The following NRG1 variants were observed in gnomAD, a reference collection of about 807,000 sequenced individuals.
NRG1 encodes neuregulin 1, also known as pro-neuregulin-1, membrane-bound isoform.
Under a neutral mutation model 63.8 loss-of-function variants are expected in NRG1, and 18 were observed. The observed-to-expected ratio is 0.28, with a 90% confidence interval of 0.19 to 0.42. NRG1 has a LOEUF of 0.42. NRG1 is among the 10% of genes least tolerant of loss of function. The probability of loss-of-function intolerance (pLI) is 1.00; values close to 1 mark genes in which losing one functional copy is unlikely to be tolerated. For synonymous variants in NRG1, 302 were observed against 301.3 expected (o/e 1.00, Z -0.02); for missense variants, 762 against 814.7 (o/e 0.94, Z 0.79).
At chr8:32,513,574 A>G (rs1026285378) in intron 1 of NRG1, among the ~76,000 whole-genome samples, 4 of 152,180 alleles carry the variant, frequency 2.6e-5, no homozygotes, top group African/African-American at 9.6e-5. Context: ...TATGTGATCT[A>G]TAAACTTTGT....
chr8:31,660,062 C>G (rs974316491), intron 1 of NRG1, among the ~76,000 whole-genome samples: 2 of 152,150 alleles, frequency 1.3e-5, no homozygotes, highest in South Asian at 4.1e-4. Flanking sequence ...AATTCAGAAC[C>G]AAGTTCGGCT....
chr8:31,924,191 G>GA (rs1283847147), intron 1 of NRG1, among the ~76,000 whole-genome samples: 178 of 142,494 alleles, frequency 1.2e-3, no homozygotes, highest in African/African-American at 1.2e-3. Flanking sequence ...TGTCTCTACT[G>GA]AAAAAAAAAA....
At chr8:32,396,740 G>C (rs1241798170) in intron 1 of NRG1, among the ~76,000 whole-genome samples, 1 of 152,140 alleles carries the variant, frequency 6.6e-6, no homozygotes, top group Non-Finnish European at 1.5e-5. Flanking sequence ...GAGCCACTGT[G>C]CCTGGCCCAA....
At chr8:31,693,985 G>A (rs1809796171) in intron 1 of NRG1, among the ~76,000 whole-genome samples, 1 of 152,096 alleles carries the variant, frequency 6.6e-6, no homozygotes, top group African/African-American at 2.4e-5. Context: ...CTATAGGAGT[G>A]TGCCACCATG....
At chr8:31,902,070 T>C (rs1832130807) in intron 1 of NRG1, among the ~76,000 whole-genome samples, 1 of 152,118 alleles carries the variant, frequency 6.6e-6, no homozygotes, top group African/African-American at 2.4e-5. Context: ...GAGTGTGTGG[T>C]TTAAAAATTT....
chr8:32,492,456 T>C lies in NRG1; in HGVS notation c.38-103372T>C, dbSNP rs541192619. 2.0e-5 allele frequency among the ~76,000 whole-genome samples: 3 copies of C among 150,164 alleles called. No individual in the cohort carries two copies. The East Asian group carries it at 5.9e-4, about 30-fold the overall frequency. On this transcript the variant is annotated intron_variant, in intron 1 of 10. Coordinates refer to the NRG1 transcript ENST00000519301. ...TTTTTCTGTAGAAAGCATACATCCA[T>C]ATAGAAGACCTCTCTCAATACATTC...
intron 1 of NRG1, among the ~76,000 whole-genome samples, chr8:32,425,925 C>G (rs1260979593): frequency 1.3e-5 from 2 of 152,140 alleles, no homozygotes; most frequent in South Asian, 2.1e-4. Flanking sequence ...TTGCTAGAAA[C>G]AGTTTCTCGG....
At chr8:32,052,354 C>G (rs1440799385) in intron 1 of NRG1, among the ~76,000 whole-genome samples, 1 of 147,392 alleles carries the variant, frequency 6.8e-6, no homozygotes, top group Non-Finnish European at 1.5e-5. Flanking sequence ...TAGCTCACTG[C>G]AGCCTCAAAC....
Position 31,985,337 on chromosome 8 carries a change from T to G in NRG1, c.37+345906T>G, listed in dbSNP as rs1809877451. On this transcript the variant is annotated intron_variant, in intron 1 of 10. Coordinates refer to the NRG1 transcript ENST00000519301. ...GCTCTAAAGCAAAGGAGTTACAAAA[T>G]TTTTAGGCAAAATTTTCTACCCATG... Among the ~76,000 whole-genome samples, 4 of 152,098 alleles carry G rather than the reference T, an allele frequency of 2.6e-5. No individual in the cohort carries two copies. The East Asian group carries it at 7.8e-4, about 29-fold the overall frequency.
intron 1 of NRG1, among the ~76,000 whole-genome samples, chr8:31,765,739 A>G (rs905989721): frequency 6.6e-6 from 1 of 152,144 alleles, no homozygotes; most frequent in Non-Finnish European, 1.5e-5. Flanking sequence ...TTTCTGTGTC[A>G]TGGAAAAGAG....
intron 1 of NRG1, among the ~76,000 whole-genome samples, chr8:31,982,310 G>C (rs1809266663): frequency 6.6e-6 from 1 of 152,064 alleles, no homozygotes; most frequent in Admixed American, 6.6e-5. Flanking sequence ...GAGTAACATA[G>C]ATTTGAAAAG....
chr8:32,652,198 T>G (rs1055459153), intron 5 of NRG1, among the ~76,000 whole-genome samples: 1 of 152,298 alleles, frequency 6.6e-6, no homozygotes, highest in African/African-American at 2.4e-5. Context: ...GGGAAGTACT[T>G]TAAGTGGGAC....
At chr8:31,839,898 G>C (rs553705791) in intron 1 of NRG1, among the ~76,000 whole-genome samples, 1 of 152,222 alleles carries the variant, frequency 6.6e-6, no homozygotes, top group South Asian at 2.1e-4. Flanking sequence ...GTGGCCCTCT[G>C]GAGAGGGGGC....
chr8:32,321,519 T>TC (rs1563312663), intron 1 of NRG1, among the ~76,000 whole-genome samples: 3,174 of 149,058 alleles, frequency 0.021, 108 homozygotes, highest in African/African-American at 0.072. Context: ...GGTTTTTTTT[T>TC]TTTCTTCTTC....
intron 1 of NRG1, among the ~76,000 whole-genome samples, chr8:32,175,832 A>G (rs1274618545): frequency 6.6e-6 from 1 of 152,228 alleles, no homozygotes; most frequent in African/African-American, 2.4e-5. Flanking sequence ...GAAATAAAAG[A>G]CGATACAAAC....
intron 1 of NRG1, among the ~76,000 whole-genome samples, chr8:31,668,986 AAC>A (rs1397121239): frequency 6.6e-6 from 1 of 152,160 alleles, no homozygotes; most frequent in Non-Finnish European, 1.5e-5. Flanking sequence ...TCTGAGTCTA[AAC>A]ATGAAGTTCA....
intron 1 of NRG1, among the ~76,000 whole-genome samples, chr8:31,675,085 G>T (rs904881432): frequency 6.6e-6 from 1 of 152,208 alleles, no homozygotes; most frequent in Non-Finnish European, 1.5e-5. Context: ...GCTCATGCCT[G>T]TAATCCCAGC....
At chr8:32,656,050 A>G (rs1801409322) in intron 5 of NRG1, among the ~76,000 whole-genome samples, 1 of 152,176 alleles carries the variant, frequency 6.6e-6, no homozygotes, top group Non-Finnish European at 1.5e-5. Flanking sequence ...GACAAAAACC[A>G]TGGAAATAAT....
intron 1 of NRG1, among the ~76,000 whole-genome samples, chr8:31,697,067 T>C (rs1810141881): frequency 6.6e-6 from 1 of 152,212 alleles, no homozygotes; most frequent in African/African-American, 2.4e-5. Flanking sequence ...AATAACAGGA[T>C]CCAAATCTGT....
Sources: allele counts gnomAD v4.1 joint callset (sites outside exome capture counted in the v4.1 genomes callset), GRCh38; gene constraint gnomAD v4.1.1; transcripts MANE v1.5; gene names NCBI Gene and HGNC (gene_info 2026-07-23, HGNC 2026-07-21).